The following ZNF184 variants were observed in gnomAD, a reference collection of about 807,000 sequenced individuals.
ZNF184 encodes zinc finger protein 184, also known as zinc finger protein 184 (Kruppel-like).
Under a neutral mutation model 54.4 loss-of-function variants are expected in ZNF184, and 16 were observed. That is an observed-to-expected ratio of 0.29 (90% CI 0.20 to 0.45). The LOEUF (loss-of-function observed/expected upper bound fraction) is 0.45, where lower values mean the gene tolerates loss of function less well. Ranked by LOEUF, ZNF184 falls within the 20% of genes least tolerant of loss-of-function variation. The probability of loss-of-function intolerance (pLI) is 1.00; values close to 1 mark genes in which losing one functional copy is unlikely to be tolerated. For missense variants in ZNF184, 681 were observed against 888.2 expected, an observed-to-expected ratio of 0.77 and a Z score of 2.97; for synonymous variants, 254 against 295.3, an observed-to-expected ratio of 0.86 and a Z score of 1.43.
intron 3 of ZNF184, among the ~76,000 whole-genome samples, chr6:27,462,751 G>C (rs1413360336): frequency 6.6e-6 from 1 of 151,072 alleles, no homozygotes; most frequent in Non-Finnish European, 1.5e-5. Flanking sequence ...TGTAATCCCA[G>C]CTACTCAGGA....
the ZNF184 span, among the ~76,000 whole-genome samples, chr6:27,439,114 C>G: frequency 2.6e-5 from 4 of 152,160 alleles, no homozygotes; most frequent in Admixed American, 2.6e-4. Context: ...TCCTAGACCT[C>G]TTTCCAGACC....
rs1762870867 is a variant in ZNF184, at chr6:27,456,932, G to C, written c.203-11C>G. 6.2e-7 allele frequency: 1 copy of C among 1,607,996 alleles called. No individual in the cohort carries two copies. The highest frequency in any genetic ancestry group is 8.5e-7 in the Non-Finnish European group (1 of 1,177,382). On this transcript the variant is annotated splice_polypyrimidine_tract_variant and intron_variant, in intron 4 of 5. Coordinates refer to ENST00000683788, the MANE Select transcript of ZNF184 (RefSeq NM_001318891.2). ...TAGAAACTTGGAGTCCTGTTCATTA[G>C]GGAAAAAAAGAAAGAAACCTGCAGT...
the ZNF184 span, among the ~76,000 whole-genome samples, chr6:27,442,818 G>GAAAGAAAGAA: frequency 1.4e-4 from 2 of 13,930 alleles, no homozygotes; most frequent in Non-Finnish European, 1.4e-4. Flanking sequence ...GAAAGAGAAA[G>GAAAGAAAGAA]AAAGAAAGAA....
At chr6:27,407,462 T>C in the ZNF184 span, among the ~76,000 whole-genome samples, 4 of 152,294 alleles carry the variant, frequency 2.6e-5, no homozygotes, top group East Asian at 7.7e-4. Flanking sequence ...TCATTCTTCC[T>C]TACAGGGGCC....
At chr6:27,436,733 T>C in the ZNF184 span, among the ~76,000 whole-genome samples, 277 of 152,352 alleles carry the variant, frequency 1.8e-3, no homozygotes, top group African/African-American at 6.1e-3. Flanking sequence ...ATCTCACTTA[T>C]ATATGTATGT....
chr6:27,418,282 G>A, the ZNF184 span, among the ~76,000 whole-genome samples: 24 of 152,260 alleles, frequency 1.6e-4, no homozygotes, highest in Non-Finnish European at 2.8e-4. Context: ...CACAGTGCAC[G>A]TTGCTAGTGA....
chr6:27,451,328 T>G lies in ZNF184; in HGVS notation c.2231A>C (p.His744Pro). 8 of 1,604,816 alleles carry G rather than the reference T, an allele frequency of 5.0e-6. No individual in the cohort carries two copies. In the South Asian group the frequency reaches 8.9e-5, roughly 18 times the overall value. The change falls in exon 6 of 6, where the codon CAT becomes CCT. Residue 744 changes from histidine (H) to proline (P), a missense_variant. His to Pro is a moderately conservative substitution (Grantham distance 77). Transcript: ENST00000683788. ...SFRYRSALNK[H>P]QRLHPGI ...TCATATGCCAGGATGCAGTCTCTGA[T>G]GTTTGTTGAGAGCAGAGCGATATCT...
chr6:27,464,322 CAT>C (rs1160137417), intron 3 of ZNF184, among the ~76,000 whole-genome samples: 2 of 152,082 alleles, frequency 1.3e-5, no homozygotes, highest in African/African-American at 4.8e-5. Context: ...GGATTTATAA[CAT>C]ATGTAACAAG....
chr6:27,417,055 C>T, the ZNF184 span, among the ~76,000 whole-genome samples: 3 of 152,040 alleles, frequency 2.0e-5, no homozygotes, highest in African/African-American at 7.3e-5. Flanking sequence ...TGGAACATCC[C>T]CTTGTTAGAA....
At chr6:27,427,133 A>AAAAC in the ZNF184 span, among the ~76,000 whole-genome samples, 1 of 151,642 alleles carries the variant, frequency 6.6e-6, no homozygotes, top group Non-Finnish European at 1.5e-5. Flanking sequence ...AAAAAAAAAA[A>AAAAC]AAACAATTAA....
intron 5 of ZNF184, among the ~76,000 whole-genome samples, chr6:27,456,202 G>A (rs1762849679): frequency 2.6e-5 from 4 of 151,966 alleles, no homozygotes; most frequent in East Asian, 1.9e-4. Context: ...AAGCTGCAGT[G>A]AGCCAAGATT....
the ZNF184 span, among the ~76,000 whole-genome samples, chr6:27,422,140 CA>C: frequency 2.0e-3 from 60 of 29,348 alleles, 5 homozygotes; most frequent in African/African-American, 6.3e-3. Flanking sequence ...GGCCGTACCT[CA>C]AAAAAAAAAA....
chr6:27,463,230 C>A, intron 3 of ZNF184, among the ~76,000 whole-genome samples: 1 of 145,450 alleles, frequency 6.9e-6, no homozygotes. Flanking sequence ...ACATATGTAA[C>A]AAACCTGCAC....
At chr6:27,470,541 G>T (rs1291719980) in intron 2 of ZNF184, among the ~76,000 whole-genome samples, 1 of 152,082 alleles carries the variant, frequency 6.6e-6, no homozygotes, top group African/African-American at 2.4e-5. Flanking sequence ...TGTAACAGAA[G>T]TCTTAAGAAA....
chr6:27,430,349 C>T, the ZNF184 span, among the ~76,000 whole-genome samples: 1 of 148,762 alleles, frequency 6.7e-6, no homozygotes. Context: ...CACCCACCCA[C>T]CCCCGGGTCT....
At position 27,452,805 on chromosome 6, in the gene ZNF184, A is replaced by G; in HGVS notation, c.754T>C (p.Cys252Arg). 1 of 1,613,504 alleles carries G rather than the reference A, an allele frequency of 6.2e-7. No individual in the cohort carries two copies. Among genetic ancestry groups the G allele is most frequent in the Non-Finnish European group, 8.5e-7 (1 of 1,179,864 alleles). Residue 252 changes from cysteine (C) to arginine (R), a missense_variant, in exon 6 of 6, where the codon TGT (cysteine) becomes CGT (arginine). Physicochemically the swap from Cys to Arg is radical, Grantham distance 180 (BLOSUM62 -3). Coordinates refer to ENST00000683788, the MANE Select transcript of ZNF184 (RefSeq NM_001318891.2). This position sits in a 1 kb window ranked among gnomAD's most constrained non-coding sequence, Gnocchi z 5.5. Reference protein sequence around the residue: ...RTHTGEKPYKCNECEKAFSRS... With the variant: ...RTHTGEKPYKRNECEKAFSRS... ...CTGAAGGCTTTTTCACATTCATTAC[A>G]TTTGTAGGGTTTTTCTCCAGTATGT... is the stretch of plus-strand genomic sequence containing the variant.
intron 2 of ZNF184, among the ~76,000 whole-genome samples, chr6:27,468,353 A>G (rs1158221739): frequency 2.0e-5 from 3 of 152,224 alleles, no homozygotes; most frequent in Non-Finnish European, 4.4e-5. Flanking sequence ...ACCCAACAGA[A>G]TGTCTTAAAT....
rs576486609 is a variant in ZNF184 at position 27,472,340 on chromosome 6, G to C, written c.-46C>G. 6.2e-7 allele frequency: 1 copy of C among 1,613,630 alleles called. No individual in the cohort carries two copies. The highest frequency in any genetic ancestry group is 1.3e-5 in the African/African-American group (1 of 75,016). ...CTCTGGAACTTGAACACCAGGGTTC[G>C]CCAGGCAGCGTTCCTTCAGCTGGTA... On this transcript the variant is annotated 5_prime_UTR_variant, in exon 2 of 6. Coordinates refer to ENST00000683788, the MANE Select transcript of ZNF184 (RefSeq NM_001318891.2). The surrounding 1 kb of genome is among the most constrained non-coding windows in gnomAD (Gnocchi z 4.8).
rs1034236787 is a variant in ZNF184 at position 27,453,500 on chromosome 6, G to A, written c.299-240C>T. On this transcript the variant is annotated intron_variant, in intron 5 of 5. Transcript: ENST00000683788. The surrounding 1 kb of genome is among the most constrained non-coding windows in gnomAD (Gnocchi z 4.7). ...TAGATAATCTTCAAGAACCAGTAAG[G>A]AAATACATTTAAGGTAATAGTTGAC... is the stretch of plus-strand genomic sequence containing the variant. 2.6e-5 allele frequency among the ~76,000 whole-genome samples: 4 copies of A among 152,132 alleles called. No individual in the cohort carries two copies. The highest frequency in any genetic ancestry group is 4.4e-5 in the Non-Finnish European group (3 of 68,026).
Sources: allele counts gnomAD v4.1 joint callset (sites outside exome capture counted in the v4.1 genomes callset), GRCh38; gene constraint gnomAD v4.1.1; non-coding constraint Gnocchi (gnomAD v3.1); transcripts MANE v1.5; gene names NCBI Gene and HGNC (gene_info 2026-07-23, HGNC 2026-07-21).